The following GNAS-AS1 variants were observed in gnomAD, a reference collection of about 807,000 sequenced individuals.
GNAS-AS1 encodes the protein GNAS antisense RNA 1, also known as GNAS antisense RNA 1 (non-protein coding).
intron 4 of GNAS-AS1, chr20:58,839,042 A>G (rs1468094666): frequency 2.5e-6 from 1 of 398,274 alleles, no homozygotes; most frequent in African/African-American, 2.1e-5. Flanking sequence ...AGAGCGCAGG[A>G]AAGACTTCCC....
At chr20:58,830,100 C>T (rs2085544278) in intron 4 of GNAS-AS1, among the ~76,000 whole-genome samples, 1 of 151,936 alleles carries the variant, frequency 6.6e-6, no homozygotes, top group Non-Finnish European at 1.5e-5. Context: ...GCTCCTCAAA[C>T]TCCTGCCCCC....
intron 4 of GNAS-AS1, among the ~76,000 whole-genome samples, chr20:58,830,466 A>AT (rs1216994381): frequency 1.5e-4 from 10 of 64,742 alleles, no homozygotes; most frequent in East Asian, 5.3e-4. Context: ...CACCACCACC[A>AT]CACCACCATC....
In GNAS-AS1 at chr20:58,841,433, G is replaced by A; in HGVS notation, n.819+504C>T. 1 of 991,454 alleles carries A rather than the reference G, an allele frequency of 1.0e-6. No homozygotes were observed. The highest frequency in any genetic ancestry group is 1.2e-6 in the Non-Finnish European group (1 of 833,808). The allele number at this position is 991,454 out of a possible 1,614,324, so 61.4% of individuals were successfully genotyped here. On this transcript the variant is annotated intron_variant and non_coding_transcript_variant, in intron 4 of 4. Transcript: ENST00000424094. This position sits in a 1 kb window ranked among gnomAD's most constrained non-coding sequence, Gnocchi z 5.0. Reference sequence around the variant, plus strand: ...CTCTAGAGACTGACCACCCGGGAGGGAAGTCACGCGCGCGCGGCGCCTAAG... The same window carrying A: ...CTCTAGAGACTGACCACCCGGGAGGAAAGTCACGCGCGCGCGGCGCCTAAG...
intron 4 of GNAS-AS1, among the ~76,000 whole-genome samples, chr20:58,825,385 G>C (rs939681577): frequency 2.0e-5 from 3 of 152,164 alleles, no homozygotes; most frequent in Non-Finnish European, 2.9e-5. Flanking sequence ...GGGTGGATGG[G>C]GACAGGATCA....
At chr20:58,827,313 G>A (rs982027580) in intron 4 of GNAS-AS1, among the ~76,000 whole-genome samples, 2 of 152,178 alleles carry the variant, frequency 1.3e-5, no homozygotes, top group Admixed American at 6.5e-5. Flanking sequence ...GGATGCCACA[G>A]GTCTTACTGT....
chr20:58,836,583 CAG>C (rs2145462100), intron 4 of GNAS-AS1: 1 of 152,358 alleles, frequency 6.6e-6, no homozygotes, highest in African/African-American at 2.4e-5. Flanking sequence ...TACCAGCAGA[CAG>C]AGAGAGCCCC....
At position 58,840,904 on chromosome 20, in the gene GNAS-AS1, A is replaced by G; in HGVS notation, n.819+1033T>C. Reference sequence around the variant, plus strand: ...GGATTCAGGTTAGTTGCCCACCGCTAAACTGGGGAGCCTGAGGGCGGTGTG... The same window carrying G: ...GGATTCAGGTTAGTTGCCCACCGCTGAACTGGGGAGCCTGAGGGCGGTGTG... On this transcript the variant is annotated intron_variant and non_coding_transcript_variant, in intron 4 of 4. Transcript: ENST00000424094. The surrounding 1 kb of genome is among the most constrained non-coding windows in gnomAD (Gnocchi z 6.0). 1 of 1,611,726 alleles carries G rather than the reference A, an allele frequency of 6.2e-7. No individual in the cohort carries two copies. The highest frequency in any genetic ancestry group is 8.5e-7 in the Non-Finnish European group (1 of 1,179,464).
chr20:58,821,160 C>T (rs953163098), intron 4 of GNAS-AS1, among the ~76,000 whole-genome samples: 4 of 152,222 alleles, frequency 2.6e-5, no homozygotes, highest in Non-Finnish European at 5.9e-5. Context: ...TCCTCAGCTA[C>T]CCCAGCTCCT....
chr20:58,829,987 C>T (rs2085543476), intron 4 of GNAS-AS1, among the ~76,000 whole-genome samples: 1 of 152,106 alleles, frequency 6.6e-6, no homozygotes, highest in Non-Finnish European at 1.5e-5. Context: ...TAAGGCTTTC[C>T]ATTAAGAATC....
At chr20:58,830,362 CCACCACAA>C (rs2085551533) in intron 4 of GNAS-AS1, among the ~76,000 whole-genome samples, 1 of 143,830 alleles carries the variant, frequency 7.0e-6, no homozygotes, top group African/African-American at 2.6e-5. Context: ...ACCATCACCA[CCACCACAA>C]CACCATCACC....
chr20:58,837,769 AAC>A (rs1346569577), intron 4 of GNAS-AS1, among the ~76,000 whole-genome samples: 16 of 152,206 alleles, frequency 1.1e-4, no homozygotes. Context: ...GCTACAAACT[AAC>A]ACAGAGTGCA....
At chr20:58,844,921 T>C (rs949012392) in intron 2 of GNAS-AS1, among the ~76,000 whole-genome samples, 2 of 152,178 alleles carry the variant, frequency 1.3e-5, no homozygotes, top group African/African-American at 2.4e-5. Context: ...TGCTTTACAG[T>C]TGGTTGCAAA....
At chr20:58,838,640 G>T (rs559895057) in intron 4 of GNAS-AS1, 7 of 189,138 alleles carry the variant, frequency 3.7e-5, no homozygotes, top group African/African-American at 1.4e-4. Context: ...TCTAGGAGCC[G>T]GGCGCGGTGG....
Position 58,840,315 on chromosome 20 carries a change from G to T in GNAS-AS1, n.819+1622C>A, listed in dbSNP as rs2085668421. 2 of 1,612,788 alleles carry T rather than the reference G, an allele frequency of 1.2e-6. No homozygotes were observed. Among genetic ancestry groups the T allele is most frequent in the East Asian group, 4.5e-5 (2 of 44,874 alleles). ...CGGAGCTTCCTTAACGCCCACCACC[G>T]CTCCGGCGCCCAGGTATTCCCTGAG... is the stretch of plus-strand genomic sequence containing the variant. On this transcript the variant is annotated intron_variant and non_coding_transcript_variant, in intron 4 of 4. Transcript: ENST00000424094. The surrounding 1 kb of genome is among the most constrained non-coding windows in gnomAD (Gnocchi z 6.0).
At chr20:58,842,274 T>C (rs780343508) in intron 3 of GNAS-AS1, 14 of 397,984 alleles carry the variant, frequency 3.5e-5, no homozygotes, top group Non-Finnish European at 5.3e-5. Context: ...GACTTGGAAA[T>C]TGATTTTTTT....
At position 58,840,053 on chromosome 20, in the gene GNAS-AS1, C is replaced by T; in HGVS notation, n.819+1884G>A. 2 of 1,594,508 alleles carry T rather than the reference C, an allele frequency of 1.3e-6. No individual in the cohort carries two copies. Among genetic ancestry groups the T allele is most frequent in the Non-Finnish European group, 1.7e-6 (2 of 1,170,542 alleles). On this transcript the variant is annotated intron_variant and non_coding_transcript_variant, in intron 4 of 4. Transcript: ENST00000424094. This position sits in a 1 kb window ranked among gnomAD's most constrained non-coding sequence, Gnocchi z 6.0. ...CTCCAGCAGCCAATGTGCTTCGGAGCCACTCTCTGCAGAGCCAGAGGGCAG... is the reference window on the plus strand; with the variant it reads ...CTCCAGCAGCCAATGTGCTTCGGAGTCACTCTCTGCAGAGCCAGAGGGCAG...
At chr20:58,819,204 G>A (rs2085468984) in exon 5 of GNAS-AS1, 1 of 398,562 alleles carries the variant, frequency 2.5e-6, no homozygotes, top group South Asian at 1.3e-4. Context: ...CGGAGCTCTG[G>A]AGAGGCACAG....
exon 3 of GNAS-AS1, chr20:58,842,452 A>G: frequency 2.5e-6 from 1 of 398,672 alleles, no homozygotes; most frequent in Non-Finnish European, 4.4e-6. Flanking sequence ...TCTTCCTTCC[A>G]GGACCTATTC....
At chr20:58,820,259 A>G (rs754912417) in intron 4 of GNAS-AS1, among the ~76,000 whole-genome samples, 1 of 152,234 alleles carries the variant, frequency 6.6e-6, no homozygotes, top group Non-Finnish European at 1.5e-5. Context: ...TCACCTATCA[A>G]GAAATATACA....
Sources: gnomAD v4.1 joint callset for allele counts (sites outside exome capture counted in the v4.1 genomes callset) on GRCh38, gnomAD v4.1.1 for gene constraint, Gnocchi (gnomAD v3.1) non-coding constraint, MANE v1.5 for transcripts, NCBI Gene and HGNC (gene_info 2026-07-23, HGNC 2026-07-21) for gene names.